SORCS2: variants seen among roughly 807,000 people sequenced by gnomAD.
SORCS2 encodes sortilin related VPS10 domain containing receptor 2.
SORCS2 carries 100 observed loss-of-function variants against 141.6 expected under a neutral mutation model. The observed-to-expected ratio is 0.71, with a 90% CI of 0.60 to 0.83. The LOEUF (loss-of-function observed/expected upper bound fraction) is 0.83. SORCS2 is among the 40% of genes least tolerant of loss of function. The pLI, the probability that SORCS2 is intolerant of heterozygous loss-of-function variation, is 0.00. For missense variants in SORCS2, 1,646 were observed against 1,560.2 expected (o/e 1.05, Z -0.93); for synonymous variants, 789 against 676.9 (o/e 1.17, Z -2.57).
At position 7,290,796 on chromosome 4, in the gene SORCS2, TTTCATTCA is replaced by T. The variant is rs3031021; in HGVS notation, c.480+97687_480+97694del. 4.7e-3 allele frequency among the ~76,000 whole-genome samples: 718 copies of T among 151,362 alleles called. 6 individuals are homozygous for T. Among genetic ancestry groups the T allele is most frequent in the African/African-American group, 0.016 (678 of 41,360 alleles). On this transcript the variant is annotated intron_variant, in intron 1 of 26. Coordinates refer to ENST00000507866, the MANE Select transcript of SORCS2 (RefSeq NM_020777.3). ...TGTAATGACTGCAGAGGCTGCATTC[TTTCATTCA>T]TTCATTCATTCATTCAGTGAATGTA...
chr4:7,559,102 C>G (rs1714344254), intron 3 of SORCS2, among the ~76,000 whole-genome samples: 1 of 152,182 alleles, frequency 6.6e-6, no homozygotes, highest in Non-Finnish European at 1.5e-5. Flanking sequence ...CCAGCCCTCA[C>G]TTTCCCGGGG....
At chr4:7,379,579 A>G (rs1722860094) in intron 1 of SORCS2, among the ~76,000 whole-genome samples, 1 of 152,334 alleles carries the variant, frequency 6.6e-6, no homozygotes, top group East Asian at 1.9e-4. Flanking sequence ...AACACCCTTC[A>G]CAATAGACAC....
chr4:7,497,313 C>A (rs896025982), intron 2 of SORCS2, among the ~76,000 whole-genome samples: 2 of 152,236 alleles, frequency 1.3e-5, no homozygotes, highest in Admixed American at 6.5e-5. Context: ...CGCAGCACAG[C>A]GTGGCAGGGT....
chr4:7,680,276 GAC>G lies in SORCS2; in HGVS notation c.1342-2463_1342-2462del, dbSNP rs572792827. On this transcript the variant is annotated intron_variant, in intron 9 of 26. Transcript: ENST00000507866. ...ACTCACACTCATACTCACACACAGA[GAC>G]ACAGGCTCACACCCATGCACGTGCC... is the stretch of plus-strand genomic sequence containing the variant. 2.5e-3 allele frequency among the ~76,000 whole-genome samples: 376 copies of G among 152,340 alleles called. 1 individual carries two copies. The highest frequency in any genetic ancestry group is 4.2e-3 in the Non-Finnish European group (285 of 68,036).
chr4:7,543,416 TATC>T (rs1712851133), intron 3 of SORCS2, among the ~76,000 whole-genome samples: 1 of 76,440 alleles, frequency 1.3e-5, no homozygotes, highest in Admixed American at 1.5e-4. Flanking sequence ...CCCATCCATC[TATC>T]CATCCATCCG....
intron 2 of SORCS2, among the ~76,000 whole-genome samples, chr4:7,470,787 G>A (rs4411994): frequency 0.27 from 41,601 of 152,224 alleles, 6,604 homozygotes; most frequent in East Asian, 0.62. Context: ...TGGGAGGCAG[G>A]CCTGTGACGC....
At chr4:7,601,861 C>T (rs944097301) in intron 3 of SORCS2, among the ~76,000 whole-genome samples, 19 of 152,046 alleles carry the variant, frequency 1.2e-4, no homozygotes, top group South Asian at 1.0e-3. Flanking sequence ...GATTAGGGAG[C>T]GGTGATGACT....
chr4:7,510,964 G>A (rs562649866), intron 2 of SORCS2, among the ~76,000 whole-genome samples: 8 of 152,344 alleles, frequency 5.3e-5, no homozygotes, highest in South Asian at 2.1e-4. Context: ...AGGGAGGTTC[G>A]AGGCCGGAAC....
chr4:7,350,568 G>GA (rs1342014680), intron 1 of SORCS2, among the ~76,000 whole-genome samples: 8 of 152,206 alleles, frequency 5.3e-5, no homozygotes. Flanking sequence ...GGCTGCTGGG[G>GA]GGACCCAGTG....
chr4:7,289,706 A>G (rs982195578), intron 1 of SORCS2, among the ~76,000 whole-genome samples: 2 of 152,116 alleles, frequency 1.3e-5, no homozygotes, highest in African/African-American at 4.8e-5. Flanking sequence ...CAGTATTAGC[A>G]TTTTTCAGAC....
intron 2 of SORCS2, among the ~76,000 whole-genome samples, chr4:7,416,726 A>ACG (rs35430225): frequency 1.1e-3 from 1 of 902 alleles, no homozygotes; most frequent in African/African-American, 2.6e-3. Context: ...ACACACTCAG[A>ACG]CACACACGCA....
chr4:7,629,336 C>G (rs1719728111), intron 3 of SORCS2, among the ~76,000 whole-genome samples: 1 of 152,126 alleles, frequency 6.6e-6, no homozygotes, highest in Non-Finnish European at 1.5e-5. Context: ...GGAGCCAGAA[C>G]ATAGAGTGAG....
chr4:7,738,154 G>A (rs756677525), intron 26 of SORCS2, among the ~76,000 whole-genome samples: 3 of 152,212 alleles, frequency 2.0e-5, no homozygotes, highest in African/African-American at 7.2e-5. Context: ...GCCATCCAGC[G>A]CAACAGGCAC....
At chr4:7,525,025 A>T (rs770171808) in intron 2 of SORCS2, among the ~76,000 whole-genome samples, 1 of 152,222 alleles carries the variant, frequency 6.6e-6, no homozygotes, top group African/African-American at 2.4e-5. Flanking sequence ...TCTCGGACAC[A>T]GCGCGGGGAG....
At chr4:7,612,533 T>A (rs536373927) in intron 3 of SORCS2, among the ~76,000 whole-genome samples, 112 of 151,784 alleles carry the variant, frequency 7.4e-4, no homozygotes, top group African/African-American at 2.6e-3. Flanking sequence ...GGGGAACCAG[T>A]CCCCAGCCCA....
intron 1 of SORCS2, among the ~76,000 whole-genome samples, chr4:7,303,040 A>G (rs950073646): frequency 6.6e-6 from 1 of 152,124 alleles, no homozygotes; most frequent in Middle Eastern, 3.2e-3. Context: ...TGCACAGTGG[A>G]ATGTTAATGC....
intron 4 of SORCS2, among the ~76,000 whole-genome samples, chr4:7,641,806 ATGGATGGATGGGTGGG>A (rs1720747430): frequency 1.0e-5 from 1 of 95,404 alleles, no homozygotes; most frequent in Non-Finnish European, 2.2e-5. Flanking sequence ...GGATGGATGG[ATGGATGGATGGGTGGG>A]TGGATGGATG....
In SORCS2 at chr4:7,373,476, A is replaced by ATT. The variant is rs1422390326; in HGVS notation, c.481-22811_481-22810insTT. 2.4e-3 allele frequency among the ~76,000 whole-genome samples: 109 copies of ATT among 44,562 alleles called. 1 individual carries two copies. The highest frequency in any genetic ancestry group is 4.1e-3 in the Admixed American group (13 of 3,156). The allele number at this position is 44,562 out of a possible 152,430, so 29.2% of individuals were successfully genotyped here. A position where few individuals can be genotyped will look rare whatever the true frequency, so the allele number is the denominator to read the frequency against. ...GAAACTTTTATATATATATATATAT[A>ATT]TATTTTTTTTTTTTTTTTTTTTTTT... On this transcript the variant is annotated intron_variant, in intron 1 of 26. Coordinates refer to ENST00000507866, the MANE Select transcript of SORCS2 (RefSeq NM_020777.3).
intron 1 of SORCS2, among the ~76,000 whole-genome samples, chr4:7,254,957 G>A (rs972840753): frequency 6.6e-6 from 1 of 152,158 alleles, no homozygotes; most frequent in African/African-American, 2.4e-5. Flanking sequence ...TGCAGCCCAA[G>A]CATGGGCAAC....
Sources: allele counts gnomAD v4.1 joint callset (sites outside exome capture counted in the v4.1 genomes callset), GRCh38; gene constraint gnomAD v4.1.1; transcripts MANE v1.5; gene names NCBI Gene and HGNC (gene_info 2026-07-23, HGNC 2026-07-21).